Variants in PTPRD observed in about 807,000 individuals in gnomAD.
The protein encoded by PTPRD is protein tyrosine phosphatase receptor type D.
A neutral mutation model predicts 214.5 loss-of-function variants in PTPRD; 34 were observed. The observed-to-expected ratio is 0.16, with a 90% CI of 0.12 to 0.21. The LOEUF (loss-of-function observed/expected upper bound fraction) is 0.21. PTPRD is among the 10% of genes least tolerant of loss of function. PTPRD has a pLI of 1.00. For synonymous variants in PTPRD, 1,128 were observed against 845.7 expected (o/e 1.33, Z -5.79); for missense variants, 2,545 against 2,398.7 (o/e 1.06, Z -1.27).
At chr9:10,243,297 G>T (rs528974700) in intron 3 of PTPRD, among the ~76,000 whole-genome samples, 1 of 151,982 alleles carries the variant, frequency 6.6e-6, no homozygotes, top group African/African-American at 2.4e-5. Flanking sequence ...CACAGCTAAA[G>T]TGGCTATTGC....
intron 5 of PTPRD, among the ~76,000 whole-genome samples, chr9:9,867,744 T>C (rs2064341501): frequency 6.6e-6 from 1 of 152,158 alleles, no homozygotes; most frequent in South Asian, 2.1e-4. Flanking sequence ...CAAGAAATTA[T>C]GGAGTTGGCA....
chr9:9,129,709 C>A (rs186403074), intron 10 of PTPRD, among the ~76,000 whole-genome samples: 3 of 152,114 alleles, frequency 2.0e-5, no homozygotes, highest in Admixed American at 2.0e-4. Context: ...TAGTCACTAG[C>A]CAGATTTTTT....
At chr9:8,323,064 G>T (rs144722517) in intron 44 of PTPRD, among the ~76,000 whole-genome samples, 3 of 152,118 alleles carry the variant, frequency 2.0e-5, no homozygotes, top group Non-Finnish European at 2.9e-5. Context: ...CTGAAAGCTC[G>T]ACCTCTTGTA....
chr9:10,207,558 C>A (rs978411513), intron 3 of PTPRD, among the ~76,000 whole-genome samples: 9 of 151,932 alleles, frequency 5.9e-5, no homozygotes, highest in Non-Finnish European at 1.0e-4. Context: ...TATTATGTAA[C>A]TAAATAGTAA....
intron 4 of PTPRD, among the ~76,000 whole-genome samples, chr9:10,030,479 T>A (rs2097037904): frequency 6.6e-6 from 1 of 152,068 alleles, no homozygotes; most frequent in East Asian, 1.9e-4. Flanking sequence ...TATCACGAGA[T>A]AGAAATGACC....
chr9:8,708,448 C>T (rs374135987), intron 12 of PTPRD, among the ~76,000 whole-genome samples: 2 of 151,634 alleles, frequency 1.3e-5, no homozygotes, highest in South Asian at 2.1e-4. Context: ...CCGAGGTGGG[C>T]GGATCACCTA....
chr9:9,775,954 CAAAAAAAAAAAA>C (rs59412193), intron 5 of PTPRD, among the ~76,000 whole-genome samples: 5 of 28,924 alleles, frequency 1.7e-4, no homozygotes, highest in East Asian at 1.1e-3. Flanking sequence ...GACTCTGTCT[CAAAAAAAAAAAA>C]AAAAAAAAAA....
chr9:10,480,862 G>C (rs1452674368), intron 2 of PTPRD, among the ~76,000 whole-genome samples: 1 of 152,022 alleles, frequency 6.6e-6, no homozygotes, highest in Non-Finnish European at 1.5e-5. Context: ...TTAAATGCTA[G>C]GGAAATTATC....
intron 12 of PTPRD, among the ~76,000 whole-genome samples, chr9:8,666,713 A>G (rs1416939025): frequency 1.3e-5 from 2 of 152,172 alleles, no homozygotes; most frequent in African/African-American, 4.8e-5. Flanking sequence ...AAACTCTATT[A>G]TTTCTACATC....
intron 5 of PTPRD, among the ~76,000 whole-genome samples, chr9:9,783,386 C>T (rs567477733): frequency 3.3e-5 from 5 of 152,106 alleles, no homozygotes; most frequent in Non-Finnish European, 7.4e-5. Context: ...TTAGACTTCT[C>T]TTTTCAACAA....
At chr9:10,394,797 A>G (rs942423817) in intron 2 of PTPRD, among the ~76,000 whole-genome samples, 1 of 151,926 alleles carries the variant, frequency 6.6e-6, no homozygotes, top group South Asian at 2.1e-4. Context: ...ATAAACGTCA[A>G]TATAAACTTT....
At chr9:10,312,383 G>C (rs993686184) in intron 3 of PTPRD, among the ~76,000 whole-genome samples, 1 of 151,860 alleles carries the variant, frequency 6.6e-6, no homozygotes, top group South Asian at 2.1e-4. Context: ...TAGTATTTTA[G>C]TACTGTAGGA....
intron 2 of PTPRD, among the ~76,000 whole-genome samples, chr9:10,560,168 T>C (rs1394397060): frequency 6.6e-6 from 1 of 152,106 alleles, no homozygotes; most frequent in Non-Finnish European, 1.5e-5. Context: ...CAAATGTCCA[T>C]CAATGATAGA....
intron 8 of PTPRD, among the ~76,000 whole-genome samples, chr9:9,488,367 C>T (rs533457128): frequency 1.3e-5 from 2 of 152,220 alleles, no homozygotes; most frequent in East Asian, 1.9e-4. Context: ...TTAGACCCTT[C>T]ATTTTGATGC....
intron 7 of PTPRD, among the ~76,000 whole-genome samples, chr9:9,719,336 C>T (rs148874425): frequency 6.6e-6 from 1 of 152,098 alleles, no homozygotes; most frequent in Non-Finnish European, 1.5e-5. Flanking sequence ...ACTCAAGATC[C>T]ACCAAACAGT....
chr9:10,062,042 A>C (rs748090174), intron 3 of PTPRD, among the ~76,000 whole-genome samples: 4 of 150,728 alleles, frequency 2.7e-5, no homozygotes, highest in Admixed American at 1.3e-4. Flanking sequence ...ATTGATTGAT[A>C]CTGTTAAAAG....
chr9:10,374,863 A>G (rs2097697364), intron 2 of PTPRD, among the ~76,000 whole-genome samples: 2 of 152,102 alleles, frequency 1.3e-5, no homozygotes, highest in South Asian at 4.1e-4. Flanking sequence ...CTCTCACTAA[A>G]CAGTCATTAA....
At chr9:8,415,724 C>G (rs4742500) in intron 35 of PTPRD, among the ~76,000 whole-genome samples, 104,427 of 151,798 alleles carry the variant, frequency 0.69, 36,970 homozygotes, top group African/African-American at 0.86. Context: ...AGAAAGCAAG[C>G]CACAGACATG....
chr9:8,487,208 A>G (rs2097041334), intron 27 of PTPRD, among the ~76,000 whole-genome samples: 2 of 152,218 alleles, frequency 1.3e-5, no homozygotes, highest in Admixed American at 6.5e-5. Flanking sequence ...AATATTAACC[A>G]TAATTATTAA....
Sources: gnomAD v4.1 joint callset for allele counts (sites outside exome capture counted in the v4.1 genomes callset) on GRCh38, gnomAD v4.1.1 for gene constraint, MANE v1.5 for transcripts, NCBI Gene and HGNC (gene_info 2026-07-23, HGNC 2026-07-21) for gene names.